WDFY4: variants seen among roughly 807,000 people sequenced by gnomAD.
WDFY4 encodes the protein WDFY family member 4, also known as WD repeat- and FYVE domain-containing protein 4.
A neutral mutation model predicts 351.9 loss-of-function variants in WDFY4; 169 were observed. The observed-to-expected ratio is 0.48, with a 90% CI of 0.42 to 0.55. The LOEUF is 0.55. WDFY4 is among the 20% of genes least tolerant of loss of function. WDFY4 has a pLI of 0.00. For synonymous variants in WDFY4, 1,622 were observed against 1,574.6 expected (o/e 1.03, Z -0.71); for missense variants, 3,803 against 3,935.6 (o/e 0.97, Z 0.90).
chr10:48,805,537 A>G, intron 26 of WDFY4, 116 bp downstream of exon 26: 1 of 1,389,284 alleles, frequency 7.2e-7, no homozygotes, highest in South Asian at 1.5e-5. Flanking sequence ...GGAACCTTCT[A>G]GGAATTTTTG....
intron 11 of WDFY4, among the ~76,000 whole-genome samples, chr10:48,741,452 C>CAAAAAAAA (rs55984300): frequency 1.5e-5 from 1 of 66,306 alleles, no homozygotes; most frequent in Admixed American, 2.2e-4. Context: ...GACTCCGTCT[C>CAAAAAAAA]AAAAAAAAAA....
chr10:48,771,551 C>T (rs78251897), intron 13 of WDFY4, among the ~76,000 whole-genome samples: 1,789 of 152,280 alleles, frequency 0.012, 39 homozygotes, highest in African/African-American at 0.041. Flanking sequence ...ATATTCTCAT[C>T]CCAGGATAAA....
At chr10:48,908,951 A>G (rs931614332) in intron 47 of WDFY4, among the ~76,000 whole-genome samples, 1 of 152,230 alleles carries the variant, frequency 6.6e-6, no homozygotes. Flanking sequence ...CCTGGGAATC[A>G]TGAATCTGTT....
chr10:48,894,502 G>C (rs1836973162), intron 44 of WDFY4, among the ~76,000 whole-genome samples: 2 of 152,234 alleles, frequency 1.3e-5, no homozygotes, highest in Admixed American at 1.3e-4. Flanking sequence ...CCTCATTTAT[G>C]ATATGGGAAT....
intron 47 of WDFY4, chr10:48,913,861 G>A (rs1157565236): frequency 6.2e-7 from 1 of 1,614,126 alleles, no homozygotes; most frequent in Admixed American, 1.7e-5. Context: ...TTGAGGTAGA[G>A]CAGGCTGGTC....
At chr10:48,776,234 G>C (rs989275764) in intron 15 of WDFY4, among the ~76,000 whole-genome samples, 1 of 152,222 alleles carries the variant, frequency 6.6e-6, no homozygotes, top group African/African-American at 2.4e-5. Flanking sequence ...GTTGGCCAGG[G>C]AACCAGCTTA....
chr10:48,823,513 A>G, intron 35 of WDFY4: 1 of 1,136,074 alleles, frequency 8.8e-7, no homozygotes, highest in Non-Finnish European at 1.1e-6. Context: ...CAGTTTCTAG[A>G]GCCATCTTCA....
At chr10:48,685,497 T>C (rs1282098173) in intron 1 of WDFY4, among the ~76,000 whole-genome samples, 3 of 152,126 alleles carry the variant, frequency 2.0e-5, no homozygotes, top group African/African-American at 7.2e-5. Context: ...AGGGAGCTGG[T>C]CTATCCCGGC....
At chr10:48,802,896 G>T in intron 24 of WDFY4, 1 of 476,348 alleles carries the variant, frequency 2.1e-6, no homozygotes. Context: ...GTCTGTCTCA[G>T]CCTCTATTTT....
rs1842317078 is a variant in WDFY4, at chr10:48,971,073, A to G, written c.8928+784A>G. Among the ~76,000 whole-genome samples, 3 of 152,226 alleles carry G rather than the reference A, an allele frequency of 2.0e-5. No individual in the cohort carries two copies. The South Asian group carries it at 6.2e-4, about 32-fold the overall frequency. ...ATTTGAATCTAGGTTTGTCTAACAC[A>G]AAACCCCATGCGCTCTCCCTGCATA... is the stretch of plus-strand genomic sequence containing the variant. On this transcript the variant is annotated intron_variant, in intron 57 of 61. Transcript: ENST00000325239.
At chr10:48,808,153 G>T (rs531725318) in intron 28 of WDFY4, among the ~76,000 whole-genome samples, 195 bp downstream of exon 28, 1 of 152,338 alleles carries the variant, frequency 6.6e-6, no homozygotes, top group Non-Finnish European at 1.5e-5. Flanking sequence ...TGATGCAAAT[G>T]TTAAGTGGAC....
rs751254072 is a variant in WDFY4 at position 48,821,109 on chromosome 10, C to T, written c.5757C>T (p.Ser1919=). The part of the protein sequence containing the change: ...ATSQQKRDFQ[S]EVLLSAMELF... ...GCCAACAGAAGCGAGACTTCCAGTCCGAGGTCCTGCTTTCTGCTATGGAAC... is the reference window on the plus strand; with the variant it reads ...GCCAACAGAAGCGAGACTTCCAGTCTGAGGTCCTGCTTTCTGCTATGGAAC... Residue 1919 remains serine, a synonymous_variant, in exon 34 of 62, where the codon TCC becomes TCT. Transcript: ENST00000325239. 100 of 1,551,684 alleles carry T rather than the reference C, an allele frequency of 6.4e-5. No individual in the cohort carries two copies. In the South Asian group the frequency reaches 1.0e-3, roughly 16 times the overall value.
intron 51 of WDFY4, among the ~76,000 whole-genome samples, chr10:48,954,884 C>T (rs1016509249): frequency 4.6e-5 from 7 of 152,126 alleles, no homozygotes; most frequent in African/African-American, 1.7e-4. Flanking sequence ...AGCTAAAATG[C>T]ATTAGACAGC....
intron 39 of WDFY4, among the ~76,000 whole-genome samples, chr10:48,846,252 G>T (rs1400003888): frequency 1.3e-5 from 2 of 152,092 alleles, no homozygotes; most frequent in East Asian, 3.9e-4. Flanking sequence ...TCCATATTTT[G>T]TAGTAGTGCA....
intron 47 of WDFY4, among the ~76,000 whole-genome samples, chr10:48,924,715 G>T (rs1037032945): frequency 6.6e-6 from 1 of 152,140 alleles, no homozygotes; most frequent in Non-Finnish European, 1.5e-5. Context: ...CAAACAGCAT[G>T]GTGGGATACC....
chr10:48,787,906 CTTCTTCTTCTT>C lies in WDFY4; in HGVS notation c.3809-623_3809-613del, dbSNP rs1565198668. ...TCTTCTTCTTCTCCTTCTTCTTCTT[CTTCTTCTTCTT>C]CTTCTTCTTCTTCTTCTTCTTCTTC... On this transcript the variant is annotated intron_variant, in intron 20 of 61. Coordinates refer to ENST00000325239, the MANE Select transcript of WDFY4 (RefSeq NM_001394531.1). Among the ~76,000 whole-genome samples the C allele has an allele frequency of 9.3e-4, 30 of 32,324 alleles. 1 individual carries two copies. Among genetic ancestry groups the C allele is most frequent in the African/African-American group, 4.5e-3 (27 of 6,010 alleles). 21.2% of individuals were successfully genotyped at this position (32,324 alleles called of 152,430 possible).
At chr10:48,917,672 T>C (rs1196294823) in intron 47 of WDFY4, among the ~76,000 whole-genome samples, 1 of 152,150 alleles carries the variant, frequency 6.6e-6, no homozygotes, top group Non-Finnish European at 1.5e-5. Context: ...AATAAAGACA[T>C]TATCAGATGA....
At chr10:48,915,100 C>T (rs1838391106) in intron 47 of WDFY4, among the ~76,000 whole-genome samples, 1 of 152,168 alleles carries the variant, frequency 6.6e-6, no homozygotes, top group South Asian at 2.1e-4. Flanking sequence ...TCTTAAATTC[C>T]CAGTGCTTGT....
chr10:48,835,708 C>A (rs4088645), intron 39 of WDFY4, among the ~76,000 whole-genome samples: 11 of 152,216 alleles, frequency 7.2e-5, no homozygotes, highest in Non-Finnish European at 1.3e-4. Flanking sequence ...GAGCCACCTA[C>A]GCATACAAAT....
Sources: gnomAD v4.1 joint callset for allele counts (sites outside exome capture counted in the v4.1 genomes callset) on GRCh38, gnomAD v4.1.1 for gene constraint, MANE v1.5 for transcripts, NCBI Gene and HGNC (gene_info 2026-07-23, HGNC 2026-07-21) for gene names.